ZC3H6: variants seen among roughly 807,000 people sequenced by gnomAD.
The protein encoded by ZC3H6 is zinc finger CCCH-type containing 6.
In ZC3H6, 40 loss-of-function variants were observed where a neutral mutation model predicts 107.7. The observed-to-expected ratio is 0.37, with a 90% CI of 0.29 to 0.48. The LOEUF is 0.48. Ranked by LOEUF, ZC3H6 falls within the 20% of genes least tolerant of loss-of-function variation. ZC3H6 has a pLI of 0.98. For missense variants in ZC3H6, 1,267 were observed against 1,410.4 expected, an observed-to-expected ratio of 0.90 and a Z score of 1.63; for synonymous variants, 493 against 487.9, an observed-to-expected ratio of 1.01 and a Z score of -0.14.
At chr2:112,313,010 C>G (rs1007218901) in intron 5 of ZC3H6, among the ~76,000 whole-genome samples, 2 of 152,060 alleles carry the variant, frequency 1.3e-5, no homozygotes, top group Non-Finnish European at 2.9e-5. Context: ...TATACTGTTT[C>G]AGGAGATGTT....
chr2:112,278,625 ATTC>A (rs957534530), intron 1 of ZC3H6, among the ~76,000 whole-genome samples: 1 of 152,226 alleles, frequency 6.6e-6, no homozygotes, highest in Admixed American at 6.5e-5. Context: ...AGCCAAGGAT[ATTC>A]TTTTTATAAC....
chr2:112,275,669 C>T lies in ZC3H6; in HGVS notation c.-326C>T, dbSNP rs1573941016. Reference sequence around the variant, plus strand: ...AGAAATCACCGTTACGGCCACTGTCCAAATCCCCGCGTCGCTGCACGCCGC... The same window carrying T: ...AGAAATCACCGTTACGGCCACTGTCTAAATCCCCGCGTCGCTGCACGCCGC... On this transcript the variant is annotated 5_prime_UTR_variant, in exon 1 of 12. Transcript: ENST00000409871. 6 of 415,452 alleles carry T rather than the reference C, an allele frequency of 1.4e-5. No individual in the cohort carries two copies. The highest frequency in any genetic ancestry group is 1.4e-4 in the East Asian group (4 of 28,178). 25.7% of individuals were successfully genotyped at this position (415,452 alleles called of 1,614,324 possible). A position where few individuals can be genotyped will look rare whatever the true frequency, so the allele number is the denominator to read the frequency against.
chr2:112,310,040 G>A lies in ZC3H6; in HGVS notation c.492G>A (p.Glu164=). 1 of 1,613,544 alleles carries A rather than the reference G, an allele frequency of 6.2e-7. No individual in the cohort carries two copies. The highest frequency in any genetic ancestry group is 1.7e-4 in the Middle Eastern group (1 of 6,058). The change falls in exon 4 of 12, where the codon GAG becomes GAA. Residue 164 remains glutamate (E), a synonymous_variant. Coordinates refer to ENST00000409871, the MANE Select transcript of ZC3H6 (RefSeq NM_198581.3). ...TTGGTAACTACGGTCAGGAAACAGA[G>A]GAAGATTTTGCCAATCAGCTGAAAC... ...DNFGNYGQET[E]EDFANQLKQY... is the part of the protein sequence containing the mutation.
At position 112,276,002 on chromosome 2, in the gene ZC3H6, A is replaced by G; in HGVS notation, c.8A>G (p.Asp3Gly). The G allele has an allele frequency of 6.5e-7, 1 of 1,538,070 alleles. No homozygotes were observed. Among genetic ancestry groups the G allele is most frequent in the South Asian group, 1.2e-5 (1 of 82,576 alleles). The stretch of plus-strand genomic sequence containing the variant: ...CCCCGTTCTTGACCAAACATGACAG[A>G]CTCTGAACATGCAGGGCACGACAGG... MT[D>G]SEHAGHDRED... is the part of the protein sequence containing the mutation. Residue 3 changes from aspartate to glycine, a missense_variant, in exon 1 of 12, where the codon GAC (aspartate) becomes GGC (glycine). Transcript: ENST00000409871.
intron 3 of ZC3H6, among the ~76,000 whole-genome samples, chr2:112,304,282 A>G (rs1487017966): frequency 6.6e-6 from 1 of 152,206 alleles, no homozygotes; most frequent in African/African-American, 2.4e-5. Flanking sequence ...TCTTTGAACA[A>G]AAGAATACAT....
chr2:112,332,270 C>A lies in ZC3H6; in HGVS notation c.3352C>A (p.Pro1118Thr), dbSNP rs368678969. 3.1e-6 allele frequency: 5 copies of A among 1,613,756 alleles called. No individual in the cohort carries two copies. The African/African-American group carries it at 6.7e-5, about 22-fold the overall frequency. ...GCCAGCTGACCCACAGGCGGACGTT[C>A]CCAGGAGTTCTGGTAAGGTTCAGGT... ...EGPADPQADV[P>T]RSSGKVQVPA... is the part of the protein sequence containing the mutation. The change falls in exon 12 of 12, where the codon CCC becomes ACC. Residue 1118 changes from proline to threonine, a missense_variant. Pro to Thr is a conservative substitution (Grantham distance 38). Transcript: ENST00000409871.
intron 1 of ZC3H6, among the ~76,000 whole-genome samples, chr2:112,284,482 A>G (rs1158187209): frequency 6.6e-6 from 1 of 151,446 alleles, no homozygotes; most frequent in East Asian, 1.9e-4. Context: ...CCCTGAAGTT[A>G]TTATAATTTA....
intron 11 of ZC3H6, among the ~76,000 whole-genome samples, chr2:112,330,179 A>T (rs1676998563): frequency 6.6e-6 from 1 of 151,722 alleles, no homozygotes; most frequent in Admixed American, 6.6e-5. Flanking sequence ...CAGCCTCCTG[A>T]GTAGCTGGGA....
In ZC3H6 at chr2:112,332,128, C is replaced by T; in HGVS notation, c.3210C>T (p.Asn1070=). ...TAGCAACAGCTTCTTCAGGAGAAAA[C>T]TCAAAGAACCAGAAAAAAAGTGGTG... ...SELATASSGE[N]SKNQKKSGGL... is the part of the protein sequence containing the mutation. Residue 1070 remains asparagine (N), a synonymous_variant, in exon 12 of 12, where the codon AAC becomes AAT. Coordinates refer to ENST00000409871, the MANE Select transcript of ZC3H6 (RefSeq NM_198581.3). 1.2e-6 allele frequency: 2 copies of T among 1,613,962 alleles called. No homozygotes were observed. The highest frequency in any genetic ancestry group is 1.7e-6 in the Non-Finnish European group (2 of 1,179,864).
rs1466919893 is a variant in ZC3H6, at chr2:112,322,833, G to A, written c.1271G>A (p.Arg424Lys). 6.2e-7 allele frequency: 1 copy of A among 1,613,466 alleles called. No individual in the cohort carries two copies. The highest frequency in any genetic ancestry group is 8.5e-7 in the Non-Finnish European group (1 of 1,179,788). The change falls in exon 9 of 12, where the codon AGG becomes AAG. Residue 424 changes from arginine (R) to lysine (K), a missense_variant. By Grantham distance (26) the Arg-to-Lys change is conservative. This residue lies in a region of ZC3H6 where 925 missense variants were observed against 1,025.7 expected (regional missense o/e 0.90). Transcript: ENST00000409871. ...CAGACAGATTTCTCTGATGATTTTA[G>A]GAAAATTCCATCTCTTTTTGAAATA... ...DFQTDFSDDF[R>K]KIPSLFEIVV...
At chr2:112,289,087 C>T (rs116485384) in intron 1 of ZC3H6, among the ~76,000 whole-genome samples, 2,050 of 149,212 alleles carry the variant, frequency 0.014, 15 homozygotes, top group Non-Finnish European at 0.02. Context: ...GACAGAATCC[C>T]GCCCTGTTGC....
At chr2:112,289,269 G>T (rs1465072673) in intron 1 of ZC3H6, among the ~76,000 whole-genome samples, 2 of 149,918 alleles carry the variant, frequency 1.3e-5, no homozygotes, top group South Asian at 4.2e-4. Flanking sequence ...AAGTGCTAGG[G>T]TTACAGGCAT....
chr2:112,299,965 G>GA lies in ZC3H6; in HGVS notation c.156dup (p.His53ThrfsTer2). On this transcript the variant is annotated frameshift_variant, in exon 2 of 12. Transcript: ENST00000409871. LOFTEE classifies it high-confidence loss of function. ...AGTGAGAAAGCCTACAGAAAATCAA[G>GA]AAAAAAACATAAGAAAGAGAGAGAG... 6.7e-7 allele frequency: 1 copy of GA among 1,493,420 alleles called. No individual in the cohort carries two copies. 92.5% of individuals were successfully genotyped at this position (1,493,420 alleles called of 1,614,324 possible). A position where few individuals can be genotyped will look rare whatever the true frequency, so the allele number is the denominator to read the frequency against.
intron 3 of ZC3H6, among the ~76,000 whole-genome samples, chr2:112,305,884 C>T (rs1188254606): frequency 6.6e-6 from 1 of 152,184 alleles, no homozygotes; most frequent in Non-Finnish European, 1.5e-5. Flanking sequence ...TAACGTTTTA[C>T]CACATATGCT....
rs1169732488 is a variant in ZC3H6 at position 112,335,797 on chromosome 2, T to C, written c.*3309T>C. The C allele has an allele frequency of 6.6e-6, 1 of 152,104 alleles. No homozygotes were observed. The highest frequency in any genetic ancestry group is 2.4e-5 in the African/African-American group (1 of 41,402). The allele number at this position is 152,104 out of a possible 1,614,324, so 9.4% of individuals were successfully genotyped here. A position where few individuals can be genotyped will look rare whatever the true frequency, so the allele number is the denominator to read the frequency against. On this transcript the variant is annotated 3_prime_UTR_variant, in exon 12 of 12. Transcript: ENST00000409871. ...GAGAGGTTGAGTGAATATTAACCCATCAAGTTAGCAATTTCCTTAACTACA... is the reference window on the plus strand; with the variant it reads ...GAGAGGTTGAGTGAATATTAACCCACCAAGTTAGCAATTTCCTTAACTACA...
intron 2 of ZC3H6, among the ~76,000 whole-genome samples, chr2:112,302,409 T>A (rs1000728606): frequency 3.9e-5 from 6 of 152,188 alleles, no homozygotes; most frequent in Admixed American, 1.3e-4. Flanking sequence ...CAGGATGGAT[T>A]AGAGAAAAAC....
Position 112,338,654 on chromosome 2 carries a change from G to C in ZC3H6, c.*6166G>C, listed in dbSNP as rs1045369196. The C allele has an allele frequency of 6.6e-6, 1 of 151,718 alleles. No individual in the cohort carries two copies. The highest frequency in any genetic ancestry group is 2.4e-5 in the African/African-American group (1 of 41,344). 9.4% of individuals were successfully genotyped at this position (151,718 alleles called of 1,614,324 possible). On this transcript the variant is annotated 3_prime_UTR_variant, in exon 12 of 12. Coordinates refer to ENST00000409871, the MANE Select transcript of ZC3H6 (RefSeq NM_198581.3). ...GCCCCATACTTCTTGGCTCATTACT[G>C]ATTTTAATACCTTCATGAGAGTATT...
Position 112,324,155 on chromosome 2 carries a change from A to T in ZC3H6, c.1344A>T (p.Pro448=). 1 of 1,570,856 alleles carries T rather than the reference A, an allele frequency of 6.4e-7. No homozygotes were observed. Among genetic ancestry groups the T allele is most frequent in the South Asian group, 1.2e-5 (1 of 86,346 alleles). ...VDLAHKIGRK[P]PAFYTSASPP... is the part of the protein sequence containing the mutation. ...ATATTATTATTTCTGTCTACAGGCC[A>T]CCAGCATTTTATACCAGTGCCTCAC... is the stretch of plus-strand genomic sequence containing the variant. The change falls in exon 10 of 12, where the codon CCA becomes CCT. Residue 448 remains proline (P), a synonymous_variant. Transcript: ENST00000409871.
In ZC3H6 at chr2:112,324,545, T is replaced by C; in HGVS notation, c.1734T>C (p.Ser578=). ...HCSPGSSYQQ[S]PGEMQLNTNY... is the part of the protein sequence containing the mutation. ...CTCCAGGTTCATCATACCAGCAAAG[T>C]CCTGGTGAAATGCAGCTCAACACCA... The change falls in exon 10 of 12, where the codon AGT becomes AGC. Residue 578 remains serine, a synonymous_variant. Transcript: ENST00000409871. 6.2e-7 allele frequency: 1 copy of C among 1,612,634 alleles called. No homozygotes were observed. The highest frequency in any genetic ancestry group is 8.5e-7 in the Non-Finnish European group (1 of 1,179,286).
Sources: gnomAD v4.1 joint callset for allele counts (sites outside exome capture counted in the v4.1 genomes callset) on GRCh38, gnomAD v4.1.1 for gene constraint, gnomAD v4.1.1 regional missense constraint, MANE v1.5 for transcripts, NCBI Gene and HGNC (gene_info 2026-07-23, HGNC 2026-07-21) for gene names.